Variants in GALNT13 observed in about 807,000 individuals in gnomAD.
The protein encoded by GALNT13 is UDP-GalNAc:polypeptide N-acetylgalactosaminyltransferase 13.
A neutral mutation model predicts 64.2 loss-of-function variants in GALNT13; 28 were observed. The ratio of observed to expected loss-of-function variants is 0.44; its 90% CI spans 0.32 to 0.60. The LOEUF (loss-of-function observed/expected upper bound fraction) is 0.60. Ranked by LOEUF, GALNT13 falls within the 20% of genes least tolerant of loss-of-function variation. The probability of loss-of-function intolerance (pLI) is 0.05; values close to 1 mark genes in which losing one functional copy is unlikely to be tolerated. For missense variants in GALNT13, 577 were observed against 669.8 expected (o/e 0.86, Z 1.53); for synonymous variants, 214 against 224.6 (o/e 0.95, Z 0.42).
At chr2:153,666,945 C>A in the GALNT13 span, among the ~76,000 whole-genome samples, 1 of 152,036 alleles carries the variant, frequency 6.6e-6, no homozygotes, top group East Asian at 1.9e-4. Context: ...AGATGAAAAT[C>A]AAAATAGCCA....
the GALNT13 span, among the ~76,000 whole-genome samples, chr2:153,417,976 T>G: frequency 3.0e-4 from 45 of 152,142 alleles, no homozygotes; most frequent in African/African-American, 8.9e-4. Context: ...ATGTTTAGGT[T>G]AGAAAGATGT....
At chr2:153,431,066 CT>C in the GALNT13 span, among the ~76,000 whole-genome samples, 9 of 151,318 alleles carry the variant, frequency 5.9e-5, no homozygotes, top group Admixed American at 5.9e-4. Flanking sequence ...AGGAGAATCA[CT>C]TGAACCTGGG....
the GALNT13 span, among the ~76,000 whole-genome samples, chr2:153,633,245 C>T: frequency 2.2e-4 from 34 of 152,078 alleles, no homozygotes; most frequent in Non-Finnish European, 4.4e-4. Flanking sequence ...CTATGTTTCC[C>T]CTATCCCTCA....
intron 3 of GALNT13, among the ~76,000 whole-genome samples, chr2:154,083,396 C>A (rs1162314562): frequency 6.6e-6 from 1 of 151,886 alleles, no homozygotes; most frequent in Non-Finnish European, 1.5e-5. Context: ...GCTGTATGGG[C>A]TCTTTTTTGG....
chr2:154,331,825 C>A (rs1695183890), intron 9 of GALNT13, among the ~76,000 whole-genome samples: 1 of 151,642 alleles, frequency 6.6e-6, no homozygotes. Flanking sequence ...ATATCTAGCT[C>A]TTGGAATAAG....
the GALNT13 span, among the ~76,000 whole-genome samples, chr2:153,711,365 T>A: frequency 6.6e-6 from 1 of 152,130 alleles, no homozygotes; most frequent in Non-Finnish European, 1.5e-5. Flanking sequence ...TATAGGCTTC[T>A]CTAGGAGATA....
At chr2:153,404,033 A>G in the GALNT13 span, among the ~76,000 whole-genome samples, 1 of 152,186 alleles carries the variant, frequency 6.6e-6, no homozygotes, top group African/African-American at 2.4e-5. Flanking sequence ...GTTTCTACCA[A>G]ACACTGCAAA....
intron 7 of GALNT13, among the ~76,000 whole-genome samples, chr2:154,250,872 C>T (rs1690033118): frequency 6.6e-6 from 1 of 151,932 alleles, no homozygotes; most frequent in Non-Finnish European, 1.5e-5. Flanking sequence ...ATGAAAACAA[C>T]AGCACAGGGA....
intron 3 of GALNT13, among the ~76,000 whole-genome samples, chr2:154,037,767 C>G (rs902129937): frequency 6.6e-6 from 1 of 151,988 alleles, no homozygotes; most frequent in African/African-American, 2.4e-5. Flanking sequence ...AAAGCCACAG[C>G]AAAAAATTAC....
chr2:153,524,838 A>C, the GALNT13 span, among the ~76,000 whole-genome samples: 2 of 152,204 alleles, frequency 1.3e-5, no homozygotes, highest in African/African-American at 4.8e-5. Flanking sequence ...TGTAACACCT[A>C]GGCGAGTTCT....
At chr2:153,125,156 TA>T in the GALNT13 span, among the ~76,000 whole-genome samples, 3 of 152,256 alleles carry the variant, frequency 2.0e-5, no homozygotes, top group African/African-American at 7.2e-5. Flanking sequence ...AATTTGAATT[TA>T]ACTGGTGTCC....
the GALNT13 span, among the ~76,000 whole-genome samples, chr2:153,837,627 T>C: frequency 6.6e-6 from 1 of 152,090 alleles, no homozygotes; most frequent in Admixed American, 6.6e-5. Flanking sequence ...TATGTAACTA[T>C]ATCTATAGAT....
intron 2 of GALNT13, among the ~76,000 whole-genome samples, chr2:153,926,866 T>G (rs1690175872): frequency 6.6e-6 from 1 of 152,140 alleles, no homozygotes; most frequent in South Asian, 2.1e-4. Flanking sequence ...ATTCAGATAA[T>G]AAATACTATT....
At chr2:153,396,107 T>G in the GALNT13 span, among the ~76,000 whole-genome samples, 1 of 152,132 alleles carries the variant, frequency 6.6e-6, no homozygotes, top group African/African-American at 2.4e-5. Flanking sequence ...TGGACCACTG[T>G]TTGTAGTTTG....
chr2:153,424,409 T>C, the GALNT13 span, among the ~76,000 whole-genome samples: 4 of 151,716 alleles, frequency 2.6e-5, no homozygotes, highest in Non-Finnish European at 5.9e-5. Context: ...CTCATTAGTG[T>C]ATGGAATATG....
the GALNT13 span, among the ~76,000 whole-genome samples, chr2:153,254,485 T>C: frequency 6.6e-6 from 1 of 152,146 alleles, no homozygotes; most frequent in Non-Finnish European, 1.5e-5. Flanking sequence ...CTGCTCTGAT[T>C]TTAGTTATTT....
chr2:154,264,795 A>C (rs1434114322), intron 8 of GALNT13, among the ~76,000 whole-genome samples: 1 of 9,746 alleles, frequency 1.0e-4, no homozygotes, highest in African/African-American at 2.8e-4. Flanking sequence ...TCAGAAAAGA[A>C]AAAAAAAAAA....
chr2:153,111,963 A>T, the GALNT13 span, among the ~76,000 whole-genome samples: 3 of 152,156 alleles, frequency 2.0e-5, no homozygotes, highest in African/African-American at 7.2e-5. Flanking sequence ...TTATCCTAGT[A>T]CTTATTTAAA....
At chr2:153,780,149 A>T in the GALNT13 span, among the ~76,000 whole-genome samples, 1 of 150,712 alleles carries the variant, frequency 6.6e-6, no homozygotes, top group Non-Finnish European at 1.5e-5. Flanking sequence ...TAATGGTTCC[A>T]TACAGCTTTT....
Sources: gnomAD v4.1 joint callset for allele counts (sites outside exome capture counted in the v4.1 genomes callset) on GRCh38, gnomAD v4.1.1 for gene constraint, MANE v1.5 for transcripts, NCBI Gene and HGNC (gene_info 2026-07-23, HGNC 2026-07-21) for gene names.